The following ARL10 variants were observed in gnomAD, a reference collection of about 807,000 sequenced individuals.
The protein encoded by ARL10 is ARF like GTPase 10.
In ARL10, 23 loss-of-function variants were observed where a neutral mutation model predicts 26.1. The ratio of observed to expected loss-of-function variants is 0.88; its 90% CI spans 0.63 to 1.25. The LOEUF (loss-of-function observed/expected upper bound fraction) is 1.25. Ranked by LOEUF, ARL10 falls within the 50% of genes most tolerant of loss-of-function variation. ARL10 has a pLI of 0.00. For synonymous variants in ARL10, 138 were observed against 149.1 expected (o/e 0.93, Z 0.54); for missense variants, 300 against 323.6 (o/e 0.93, Z 0.56).
At position 176,369,067 on chromosome 5, in the gene ARL10, A is replaced by G. The variant is rs758261614; in HGVS notation, c.561+85A>G. On this transcript the variant is annotated intron_variant, in intron 3 of 3. Coordinates refer to ENST00000310389, the MANE Select transcript of ARL10 (RefSeq NM_173664.6). ...GGGGCAAGGAGCGCTGCCTGGGCCC[A>G]TGGCCTGGAGAGGGTGGCTGAGATG... The G allele has an allele frequency of 3.8e-6, 6 of 1,560,986 alleles. No individual in the cohort carries two copies. The South Asian group carries it at 4.7e-5, about 12-fold the overall frequency.
At chr5:176,408,021 G>A in the ARL10 span, among the ~76,000 whole-genome samples, 1 of 152,138 alleles carries the variant, frequency 6.6e-6, no homozygotes. Flanking sequence ...CTTTGGCCCA[G>A]TCTGAGTGGG....
At chr5:176,366,089 A>G (rs11744825) in intron 1 of ARL10, among the ~76,000 whole-genome samples, 90,501 of 152,078 alleles carry the variant, frequency 0.6, 27,032 homozygotes, top group Middle Eastern at 0.64. Flanking sequence ...GCGCCTGCGC[A>G]GTGCACCCCG....
At chr5:176,410,413 T>C in the ARL10 span, 3 of 779,676 alleles carry the variant, frequency 3.8e-6, no homozygotes, top group South Asian at 4.9e-5. Flanking sequence ...CATGTATATA[T>C]CGACCCACAT....
chr5:176,404,025 G>C (rs1756974877), downstream of ARL10, among the ~76,000 whole-genome samples: 1 of 152,174 alleles, frequency 6.6e-6, no homozygotes, highest in Non-Finnish European at 1.5e-5. Context: ...AAAGTGCTGG[G>C]ATTACAGGCA....
Position 176,365,664 on chromosome 5 carries a change from G to A in ARL10, c.101G>A (p.Arg34His). Reference sequence around the variant, plus strand: ...ATCCTCTGGAAGACCTACTTCGGCCGCGGCCGAGAGCGGCGCTGGGACCGG... The same window carrying A: ...ATCCTCTGGAAGACCTACTTCGGCCACGGCCGAGAGCGGCGCTGGGACCGG... ...LFILWKTYFG[R>H]GRERRWDRGE... The change falls in exon 1 of 4, where the codon CGC becomes CAC. Residue 34 changes from arginine (R) to histidine (H), a missense_variant. Transcript: ENST00000310389. 1 of 1,248,658 alleles carries A rather than the reference G, an allele frequency of 8.0e-7. No homozygotes were observed. The highest frequency in any genetic ancestry group is 3.6e-5 in the South Asian group (1 of 27,736). The allele number at this position is 1,248,658 out of a possible 1,614,324, so 77.3% of individuals were successfully genotyped here.
At chr5:176,371,149 T>C (rs1016305123) in intron 3 of ARL10, among the ~76,000 whole-genome samples, 7 of 152,020 alleles carry the variant, frequency 4.6e-5, no homozygotes, top group Non-Finnish European at 7.4e-5. Context: ...CTGAGGCAGG[T>C]GGATCACCTG....
downstream of ARL10, among the ~76,000 whole-genome samples, chr5:176,383,342 T>C (rs1348677814): frequency 6.6e-6 from 1 of 152,182 alleles, no homozygotes; most frequent in Non-Finnish European, 1.5e-5. Context: ...TATCAGGACA[T>C]AAGGAAATGC....
At position 176,372,680 on chromosome 5, in the gene ARL10, T is replaced by C; in HGVS notation, c.*785T>C. On this transcript the variant is annotated 3_prime_UTR_variant, in exon 4 of 4. Transcript: ENST00000310389. ...CCCCTCTAATCTGGAGACAAGCTGC[T>C]GCTCTCGTACTAACTGTGCCAGTGC... 1 of 384,476 alleles carries C rather than the reference T, an allele frequency of 2.6e-6. No homozygotes were observed. The highest frequency in any genetic ancestry group is 3.7e-5 in the East Asian group (1 of 26,994). 23.8% of individuals were successfully genotyped at this position (384,476 alleles called of 1,614,324 possible). A position where few individuals can be genotyped will look rare whatever the true frequency, so the allele number is the denominator to read the frequency against.
chr5:176,367,977 A>G (rs1214425590), intron 2 of ARL10: 2 of 530,140 alleles, frequency 3.8e-6, no homozygotes, highest in Non-Finnish European at 7.7e-6. Flanking sequence ...CCTAGCAAGC[A>G]CTCAGTAAAT....
At chr5:176,396,655 A>AG (rs1756537783) in intron 1 of ARL10, 1 of 758,490 alleles carries the variant, frequency 1.3e-6, no homozygotes, top group Non-Finnish European at 2.3e-6. Flanking sequence ...GAGAAATGTT[A>AG]GGAAGCATAG....
rs1190455079 is a variant in ARL10 at position 176,368,725 on chromosome 5, CG to C, written c.386-77del. Reference sequence around the variant, plus strand: ...TGGGGTGGGGGCTGTGGGCAGTGAGCGGGGGCCCGGGGTGGGGTGGGGGCTG... The same window carrying C: ...TGGGGTGGGGGCTGTGGGCAGTGAGCGGGGCCCGGGGTGGGGTGGGGGCTG... On this transcript the variant is annotated intron_variant, in intron 2 of 3. Coordinates refer to ENST00000310389, the MANE Select transcript of ARL10 (RefSeq NM_173664.6). The surrounding 1 kb of genome is among the most constrained non-coding windows in gnomAD (Gnocchi z 4.1). 1.6e-6 allele frequency: 2 copies of C among 1,248,210 alleles called. No individual in the cohort carries two copies. The highest frequency in any genetic ancestry group is 3.0e-5 in the East Asian group (1 of 33,068). The allele number at this position is 1,248,210 out of a possible 1,614,324, so 77.3% of individuals were successfully genotyped here.
chr5:176,397,316 GT>G, intron 1 of ARL10, among the ~76,000 whole-genome samples: 1 of 146,128 alleles, frequency 6.8e-6, no homozygotes, highest in East Asian at 2.0e-4. Flanking sequence ...CCCCTCTCAT[GT>G]CCCCATAGCC....
Position 176,374,552 on chromosome 5 carries a change from A to G in ARL10, c.*2657A>G, listed in dbSNP as rs927790937. The G allele has an allele frequency of 1.3e-5, 2 of 152,242 alleles. No homozygotes were observed. Among genetic ancestry groups the G allele is most frequent in the African/African-American group, 4.8e-5 (2 of 41,462 alleles). The allele number at this position is 152,242 out of a possible 1,614,324, so 9.4% of individuals were successfully genotyped here. On this transcript the variant is annotated 3_prime_UTR_variant, in exon 4 of 4. Transcript: ENST00000310389. Reference sequence around the variant, plus strand: ...TGCATCCCTTAATATGAGTCTCCACAAACCAAACTGATTGGAATCAAACAA... The same window carrying G: ...TGCATCCCTTAATATGAGTCTCCACGAACCAAACTGATTGGAATCAAACAA...
In ARL10 at chr5:176,373,417, A is replaced by G. The variant is rs957379496; in HGVS notation, c.*1522A>G. On this transcript the variant is annotated 3_prime_UTR_variant, in exon 4 of 4. Coordinates refer to ENST00000310389, the MANE Select transcript of ARL10 (RefSeq NM_173664.6). ...TAGGGACCACTAAATCAACAACCAC[A>G]AATGGATTTTTTTTTTAAGAGGAGC... 2.5e-5 allele frequency: 5 copies of G among 203,818 alleles called. No individual in the cohort carries two copies. Among genetic ancestry groups the G allele is most frequent in the Admixed American group, 5.9e-5 (1 of 16,808 alleles). The allele number at this position is 203,818 out of a possible 1,614,324, so 12.6% of individuals were successfully genotyped here.
intron 1 of ARL10, among the ~76,000 whole-genome samples, chr5:176,394,433 A>G (rs1391754028): frequency 6.6e-6 from 1 of 152,186 alleles, no homozygotes; most frequent in Non-Finnish European, 1.5e-5. Flanking sequence ...GCACTTTGGG[A>G]GGCAGAGGCG....
Position 176,393,720 on chromosome 5 carries a change from C to T in ARL10, c.134-8021C>T, listed in dbSNP as rs947489784. 1.8e-4 allele frequency among the ~76,000 whole-genome samples: 28 copies of T among 152,154 alleles called. No homozygotes were observed. Among genetic ancestry groups the T allele is most frequent in the Non-Finnish European group, 1.3e-4 (9 of 68,030 alleles). On this transcript the variant is annotated intron_variant, in intron 1 of 1. Coordinates refer to the ARL10 transcript ENST00000514533. The surrounding 1 kb of genome is among the most constrained non-coding windows in gnomAD (Gnocchi z 4.4). The stretch of plus-strand genomic sequence containing the variant: ...GGAATCAAGTTAGGATGAAAACTGG[C>T]GGTCCTTCATCAGAAGTTCTGGTTG...
downstream of ARL10, among the ~76,000 whole-genome samples, chr5:176,404,844 G>T (rs1166242928): frequency 6.6e-6 from 1 of 152,176 alleles, no homozygotes; most frequent in Non-Finnish European, 1.5e-5. Flanking sequence ...CCTTGGCCAA[G>T]GCCACCCACA....
the ARL10 span, among the ~76,000 whole-genome samples, chr5:176,409,406 C>CTTTTTTTTT: frequency 1.3e-5 from 1 of 79,656 alleles, no homozygotes; most frequent in African/African-American, 5.7e-5. Flanking sequence ...TCTGATTGCC[C>CTTTTTTTTT]TTTTTTTTTT....
chr5:176,402,223 G>A (rs557253238), downstream of ARL10, among the ~76,000 whole-genome samples: 7 of 152,272 alleles, frequency 4.6e-5, no homozygotes, highest in South Asian at 1.2e-3. Context: ...AATTGAACCC[G>A]GGAGATGGAG....
Sources: allele counts gnomAD v4.1 joint callset (sites outside exome capture counted in the v4.1 genomes callset), GRCh38; gene constraint gnomAD v4.1.1; non-coding constraint Gnocchi (gnomAD v3.1); transcripts MANE v1.5; gene names NCBI Gene and HGNC (gene_info 2026-07-23, HGNC 2026-07-21).